The following PPP1R16B variants were observed in gnomAD, a reference collection of about 807,000 sequenced individuals.
PPP1R16B encodes protein phosphatase 1 regulatory subunit 16B.
Under a neutral mutation model 61.7 loss-of-function variants are expected in PPP1R16B, and 14 were observed. That is an observed-to-expected ratio of 0.23 (90% CI 0.15 to 0.35). PPP1R16B has a LOEUF of 0.35. Ranked by LOEUF, PPP1R16B falls within the 10% of genes least tolerant of loss-of-function variation. The pLI is 1.00. For synonymous variants in PPP1R16B, 266 were observed against 305.3 expected, an observed-to-expected ratio of 0.87 and a Z score of 1.34; for missense variants, 547 against 752.5, an observed-to-expected ratio of 0.73 and a Z score of 3.19.
rs1181903301 is a variant in PPP1R16B at position 38,888,876 on chromosome 20, A to AACACACACACAC, written c.251-678_251-667dup. Among the ~76,000 whole-genome samples, 237 of 112,296 alleles carry AACACACACACAC rather than the reference A, an allele frequency of 2.1e-3. 2 individuals carry two copies. The highest frequency in any genetic ancestry group is 6.9e-3 in the East Asian group (25 of 3,618). 73.7% of individuals were successfully genotyped at this position (112,296 alleles called of 152,430 possible). On this transcript the variant is annotated intron_variant, in intron 2 of 10. Transcript: ENST00000299824. ...CCTCCCTGCCCACCCAGAATCCCTG[A>AACACACACACAC]ACACACACACACACACACACACACA...
intron 2 of PPP1R16B, among the ~76,000 whole-genome samples, chr20:38,875,617 C>T (rs1393017135): frequency 6.6e-6 from 1 of 152,214 alleles, no homozygotes; most frequent in Non-Finnish European, 1.5e-5. Flanking sequence ...GCGAAGCAAA[C>T]AGGAAGCAGG....
intron 1 of PPP1R16B, among the ~76,000 whole-genome samples, chr20:38,808,388 A>G (rs1054222026): frequency 6.6e-6 from 1 of 150,868 alleles, no homozygotes; most frequent in African/African-American, 2.4e-5. Context: ...CAACCTAGCC[A>G]CCACCCCTCC....
intron 2 of PPP1R16B, among the ~76,000 whole-genome samples, chr20:38,847,063 T>C (rs1469587192): frequency 6.6e-6 from 1 of 152,192 alleles, no homozygotes; most frequent in African/African-American, 2.4e-5. Flanking sequence ...GATTATTTAC[T>C]AGGTAGATTC....
intron 2 of PPP1R16B, among the ~76,000 whole-genome samples, chr20:38,848,461 T>C (rs1227109937): frequency 6.6e-6 from 1 of 152,230 alleles, no homozygotes; most frequent in East Asian, 1.9e-4. Context: ...GCAACCTATT[T>C]TGGTGCCAGT....
At chr20:38,826,504 A>C (rs1171869213) in intron 1 of PPP1R16B, among the ~76,000 whole-genome samples, 2 of 152,186 alleles carry the variant, frequency 1.3e-5, no homozygotes, top group African/African-American at 4.8e-5. Context: ...ATGGAAGACC[A>C]GTGTGTTCAT....
At chr20:38,876,598 G>C (rs977641932) in intron 2 of PPP1R16B, among the ~76,000 whole-genome samples, 1 of 149,262 alleles carries the variant, frequency 6.7e-6, no homozygotes, top group Non-Finnish European at 1.5e-5. Context: ...AGCCAGATTT[G>C]GTTTGTAGAC....
At position 38,831,931 on chromosome 20, in the gene PPP1R16B, C is replaced by T. The variant is rs150765021; in HGVS notation, c.-101-3894C>T. ...TTGGGCTGGGCAGCCACGTCCTCTT[C>T]GGGCCATGCTTGTGCATGTTGGTTT... On this transcript the variant is annotated intron_variant, in intron 1 of 10. Coordinates refer to ENST00000299824, the MANE Select transcript of PPP1R16B (RefSeq NM_015568.4). Among the ~76,000 whole-genome samples, 120 of 152,334 alleles carry T rather than the reference C, an allele frequency of 7.9e-4. 1 individual carries two copies. Among genetic ancestry groups the T allele is most frequent in the Middle Eastern group, 3.4e-3 (1 of 294 alleles).
chr20:38,912,490 C>A (rs1021591738), intron 10 of PPP1R16B, among the ~76,000 whole-genome samples: 3 of 140,470 alleles, frequency 2.1e-5, no homozygotes, highest in African/African-American at 8.2e-5. Flanking sequence ...AAGACCGTAT[C>A]TCTACCCCCC....
At chr20:38,859,565 C>T (rs750657940) in intron 2 of PPP1R16B, among the ~76,000 whole-genome samples, 9 of 152,362 alleles carry the variant, frequency 5.9e-5, no homozygotes, top group Non-Finnish European at 1.3e-4. Context: ...AATCATGGCT[C>T]ATTGCAGCCT....
chr20:38,881,917 G>A (rs1175928601), intron 2 of PPP1R16B, among the ~76,000 whole-genome samples: 1 of 152,140 alleles, frequency 6.6e-6, no homozygotes, highest in Admixed American at 6.5e-5. Context: ...TTCACTCTTC[G>A]GAGCTGGCTG....
rs2085383992 is a variant in PPP1R16B at position 38,900,566 on chromosome 20, C to A, written c.468-15C>A. ...CCACACCTACTTGGCCCTCACCCTG[C>A]CTCTTTCTCTGCAGTGGGGCCGACT... On this transcript the variant is annotated splice_polypyrimidine_tract_variant and intron_variant, in intron 4 of 10. Coordinates refer to ENST00000299824, the MANE Select transcript of PPP1R16B (RefSeq NM_015568.4). 1.9e-6 allele frequency: 3 copies of A among 1,594,744 alleles called. No individual in the cohort carries two copies. In the South Asian group the frequency reaches 3.4e-5, roughly 18 times the overall value.
chr20:38,865,887 A>C (rs2085087204), intron 2 of PPP1R16B, among the ~76,000 whole-genome samples: 1 of 152,082 alleles, frequency 6.6e-6, no homozygotes, highest in Admixed American at 6.5e-5. Flanking sequence ...GCACTTTGAG[A>C]GGCCGAGTTG....
intron 1 of PPP1R16B, among the ~76,000 whole-genome samples, chr20:38,814,735 C>T (rs966590785): frequency 2.0e-5 from 3 of 152,156 alleles, no homozygotes; most frequent in African/African-American, 7.2e-5. Flanking sequence ...TAGTCTCCTC[C>T]GCTTCTTGGC....
At chr20:38,874,753 T>C (rs186155742) in intron 2 of PPP1R16B, among the ~76,000 whole-genome samples, 1 of 152,154 alleles carries the variant, frequency 6.6e-6, no homozygotes, top group Non-Finnish European at 1.5e-5. Context: ...CAAGTTTGGC[T>C]CTCTCATACA....
At chr20:38,911,549 T>A (rs1346556232) in intron 10 of PPP1R16B, among the ~76,000 whole-genome samples, 2 of 151,222 alleles carry the variant, frequency 1.3e-5, no homozygotes, top group Non-Finnish European at 3.0e-5. Context: ...TTTTTTTTTT[T>A]AAATTGAGAC....
At chr20:38,824,622 C>G (rs570626003) in intron 1 of PPP1R16B, among the ~76,000 whole-genome samples, 1 of 152,220 alleles carries the variant, frequency 6.6e-6, no homozygotes, top group African/African-American at 2.4e-5. Flanking sequence ...ATTCTTTTGT[C>G]CCCCAGGGTA....
rs2085601671 is a variant in PPP1R16B, at chr20:38,921,869, CT to C, written c.*3205del. The C allele has an allele frequency of 6.6e-6, 1 of 152,226 alleles. No individual in the cohort carries two copies. The highest frequency in any genetic ancestry group is 2.4e-5 in the African/African-American group (1 of 41,454). 9.4% of individuals were successfully genotyped at this position (152,226 alleles called of 1,614,324 possible). On this transcript the variant is annotated 3_prime_UTR_variant, in exon 11 of 11. Transcript: ENST00000299824. ...GCTTCCTTCAGCATCAAAGCCTTTCCTTGGGAATCTGCCTCCCTCCATGGCA... is the reference window on the plus strand; with the variant it reads ...GCTTCCTTCAGCATCAAAGCCTTTCCTGGGAATCTGCCTCCCTCCATGGCA...
rs2085113534 is a variant in PPP1R16B, at chr20:38,869,673, A to G, written c.251-19922A>G. Among the ~76,000 whole-genome samples, 5 of 152,300 alleles carry G rather than the reference A, an allele frequency of 3.3e-5. No homozygotes were observed. In the South Asian group the frequency reaches 1.0e-3, roughly 32 times the overall value. The stretch of plus-strand genomic sequence containing the variant: ...GAAAGTCATGCAAGTGGAATCACAT[A>G]GTATGGACCCTGTGTGAGCCTTCAT... On this transcript the variant is annotated intron_variant, in intron 2 of 10. Transcript: ENST00000299824.
Position 38,908,024 on chromosome 20 carries a change from T to G in PPP1R16B, c.1029-4T>G. 1 of 1,614,078 alleles carries G rather than the reference T, an allele frequency of 6.2e-7. No individual in the cohort carries two copies. Among genetic ancestry groups the G allele is most frequent in the Non-Finnish European group, 8.5e-7 (1 of 1,180,006 alleles). The stretch of plus-strand genomic sequence containing the variant: ...AGCCTCTAGGACCCACTTTGTCCTC[T>G]CAGGAAGGTGGTGCGGCGAGCCAGC... On this transcript the variant is annotated splice_region_variant and splice_polypyrimidine_tract_variant and intron_variant, in intron 9 of 10. Coordinates refer to ENST00000299824, the MANE Select transcript of PPP1R16B (RefSeq NM_015568.4).
Sources: gnomAD v4.1 joint callset for allele counts (sites outside exome capture counted in the v4.1 genomes callset) on GRCh38, gnomAD v4.1.1 for gene constraint, MANE v1.5 for transcripts, NCBI Gene and HGNC (gene_info 2026-07-23, HGNC 2026-07-21) for gene names.